Variants in AXDND1 observed in about 807,000 individuals in gnomAD.
The protein encoded by AXDND1 is axonemal dynein light chain domain containing 1, also known as axonemal dynein light chain domain-containing protein 1.
A neutral mutation model predicts 137.5 loss-of-function variants in AXDND1; 110 were observed. The ratio of observed to expected loss-of-function variants is 0.80; its 90% CI spans 0.69 to 0.94. AXDND1 has a LOEUF of 0.94. Ranked by LOEUF, AXDND1 falls within the 40% of genes least tolerant of loss-of-function variation. AXDND1 has a pLI of 0.00. For synonymous variants in AXDND1, 414 were observed against 399.7 expected (o/e 1.04, Z -0.43); for missense variants, 1,191 against 1,169.8 (o/e 1.02, Z -0.26).
intron 16 of AXDND1, chr1:179,448,332 C>T (rs1401224588): frequency 4.1e-6 from 3 of 730,750 alleles, no homozygotes; most frequent in Admixed American, 3.7e-5. Flanking sequence ...TCATAGAGCA[C>T]ACTAAGTTCA....
At chr1:179,503,763 G>A (rs1305366587) in intron 20 of AXDND1, among the ~76,000 whole-genome samples, 1 of 151,748 alleles carries the variant, frequency 6.6e-6, no homozygotes, top group Non-Finnish European at 1.5e-5. Flanking sequence ...GTGTCCATGT[G>A]TTCTCATTGT....
rs1225716031 is a variant in AXDND1 at position 179,554,570 on chromosome 1, A to T, written c.*51A>T. 1 of 1,613,888 alleles carries T rather than the reference A, an allele frequency of 6.2e-7. No individual in the cohort carries two copies. Among genetic ancestry groups the T allele is most frequent in the African/African-American group, 1.3e-5 (1 of 74,920 alleles). On this transcript the variant is annotated 3_prime_UTR_variant, in exon 26 of 26. Coordinates refer to ENST00000367618, the MANE Select transcript of AXDND1 (RefSeq NM_144696.6). Reference sequence around the variant, plus strand: ...AATTCAGATGTCAGTGGGAGCCTCCAGGTGGGAGGAGAGCATGCCTAAACC... The same window carrying T: ...AATTCAGATGTCAGTGGGAGCCTCCTGGTGGGAGGAGAGCATGCCTAAACC...
intron 16 of AXDND1, among the ~76,000 whole-genome samples, chr1:179,445,416 T>G (rs1571865088): frequency 6.6e-6 from 1 of 152,288 alleles, no homozygotes; most frequent in South Asian, 2.1e-4. Flanking sequence ...TGATTTTTAT[T>G]ATATTCACAG....
In AXDND1 at chr1:179,383,540, C is replaced by G. The variant is rs185658017; in HGVS notation, c.737C>G (p.Thr246Arg). The G allele has an allele frequency of 1.6e-5, 25 of 1,611,236 alleles. No individual in the cohort carries two copies. The highest frequency in any genetic ancestry group is 2.7e-5 in the African/African-American group (2 of 74,822). ...GAAAATCAGGAATATACAGGACCAA[C>G]GAAGGTAATTGCAAAGCCGAATGCA... Reference protein sequence around the residue: ...GVENQEYTGPTKMHKLLHILK... With the variant: ...GVENQEYTGPRKMHKLLHILK... The change falls in exon 8 of 26, where the codon ACG becomes AGG. Residue 246 changes from threonine (T) to arginine (R), a missense_variant. Coordinates refer to ENST00000367618, the MANE Select transcript of AXDND1 (RefSeq NM_144696.6).
At chr1:179,552,743 A>G in intron 25 of AXDND1, 2 of 1,297,374 alleles carry the variant, frequency 1.5e-6, no homozygotes, top group Non-Finnish European at 2.2e-6. Flanking sequence ...CAAAGCTTTC[A>G]CACAGACTTG....
chr1:179,472,897 A>C (rs952190146), intron 17 of AXDND1, among the ~76,000 whole-genome samples: 1 of 152,018 alleles, frequency 6.6e-6, no homozygotes, highest in Non-Finnish European at 1.5e-5. Flanking sequence ...TGTATCTTTG[A>C]ATCTCAAGTG....
intron 18 of AXDND1, among the ~76,000 whole-genome samples, chr1:179,489,571 G>T (rs949800183): frequency 4.6e-5 from 7 of 152,080 alleles, no homozygotes; most frequent in African/African-American, 1.7e-4. Flanking sequence ...TTTTTCTTGT[G>T]AAAAAGACTT....
At chr1:179,404,353 C>T (rs1652598213) in intron 11 of AXDND1, among the ~76,000 whole-genome samples, 1 of 151,886 alleles carries the variant, frequency 6.6e-6, no homozygotes, top group Non-Finnish European at 1.5e-5. Flanking sequence ...TCCTGAGTAG[C>T]TGGGAGTACA....
At chr1:179,488,635 C>T (rs12737798) in intron 18 of AXDND1, among the ~76,000 whole-genome samples, 7,892 of 24,600 alleles carry the variant, frequency 0.32, 853 homozygotes, top group Middle Eastern at 0.39. Flanking sequence ...TCTCTCTCTC[C>T]TTTCTTTCTT....
At chr1:179,442,440 C>T (rs909263068) in intron 15 of AXDND1, among the ~76,000 whole-genome samples, 1 of 152,188 alleles carries the variant, frequency 6.6e-6, no homozygotes, top group Non-Finnish European at 1.5e-5. Context: ...TTCTCCTGCT[C>T]TATCCCAATT....
At chr1:179,487,253 T>C (rs1216523339) in intron 18 of AXDND1, among the ~76,000 whole-genome samples, 1 of 148,654 alleles carries the variant, frequency 6.7e-6, no homozygotes, top group Admixed American at 6.6e-5. Flanking sequence ...TTCCTTTGCC[T>C]CCTTACTTCA....
At chr1:179,389,517 T>C (rs1649788389) in intron 9 of AXDND1, among the ~76,000 whole-genome samples, 1 of 152,174 alleles carries the variant, frequency 6.6e-6, no homozygotes, top group Non-Finnish European at 1.5e-5. Flanking sequence ...ATTCATGCAG[T>C]AGTCCTACAC....
At position 179,411,269 on chromosome 1, in the gene AXDND1, T is replaced by G; in HGVS notation, c.1230+3T>G. ...CCACATATGAATTGGCCCTGAAGGT[T>G]AGTTCATCTGGATTCACAACTCACA... On this transcript the variant is annotated splice_donor_region_variant and intron_variant, in intron 12 of 25. Transcript: ENST00000367618. The G allele has an allele frequency of 6.2e-7, 1 of 1,606,552 alleles. No individual in the cohort carries two copies. Among genetic ancestry groups the G allele is most frequent in the Non-Finnish European group, 8.5e-7 (1 of 1,178,196 alleles).
intron 25 of AXDND1, chr1:179,548,748 A>C (rs1419774821): frequency 1.3e-5 from 2 of 152,196 alleles, no homozygotes; most frequent in Non-Finnish European, 2.9e-5. Flanking sequence ...TGACCTGCTG[A>C]GCCTTCTAGA....
At chr1:179,395,005 T>G in intron 10 of AXDND1, 93 bp from the exon 11 acceptor site, 6 of 1,090,878 alleles carry the variant, frequency 5.5e-6, no homozygotes, top group Admixed American at 2.2e-5. Flanking sequence ...ACATGATAAC[T>G]GAGAAGATTC....
At chr1:179,475,039 G>A (rs554761901) in intron 17 of AXDND1, among the ~76,000 whole-genome samples, 2 of 152,332 alleles carry the variant, frequency 1.3e-5, no homozygotes, top group African/African-American at 4.8e-5. Context: ...TTCAAAAGGT[G>A]GTCTTGGGCC....
intron 12 of AXDND1, among the ~76,000 whole-genome samples, chr1:179,414,427 A>AT (rs1429675388): frequency 5.9e-5 from 9 of 151,346 alleles, no homozygotes; most frequent in African/African-American, 2.2e-4. Context: ...TTATTTATTT[A>AT]TTTATTTATT....
intron 20 of AXDND1, among the ~76,000 whole-genome samples, chr1:179,501,753 A>G (rs908159156): frequency 6.6e-6 from 1 of 152,094 alleles, no homozygotes; most frequent in Non-Finnish European, 1.5e-5. Flanking sequence ...CTCAAAAACT[A>G]GGAATATTGG....
At position 179,489,996 on chromosome 1, in the gene AXDND1, G is replaced by A. The variant is rs900822738; in HGVS notation, c.2092-1542G>A. Among the ~76,000 whole-genome samples, 3 of 152,100 alleles carry A rather than the reference G, an allele frequency of 2.0e-5. No homozygotes were observed. The East Asian group carries it at 5.8e-4, about 30-fold the overall frequency. Reference sequence around the variant, plus strand: ...CCTGACCTCGTGATCCACCTGCCTCGGTCTCCCAAAGTGCTGAGATTACAG... The same window carrying A: ...CCTGACCTCGTGATCCACCTGCCTCAGTCTCCCAAAGTGCTGAGATTACAG... On this transcript the variant is annotated intron_variant, in intron 18 of 25. Coordinates refer to ENST00000367618, the MANE Select transcript of AXDND1 (RefSeq NM_144696.6).
Sources: allele counts gnomAD v4.1 joint callset (sites outside exome capture counted in the v4.1 genomes callset), GRCh38; gene constraint gnomAD v4.1.1; transcripts MANE v1.5; gene names NCBI Gene and HGNC (gene_info 2026-07-23, HGNC 2026-07-21).